CCT3: variants seen among roughly 807,000 people sequenced by gnomAD.
CCT3 encodes the protein chaperonin containing TCP1 subunit 3, also known as T-complex protein 1 subunit gamma.
Under a neutral mutation model 65.3 loss-of-function variants are expected in CCT3, and 10 were observed. The observed-to-expected ratio is 0.15, with a 90% CI of 0.09 to 0.26. The LOEUF (loss-of-function observed/expected upper bound fraction) is 0.26. Ranked by LOEUF, CCT3 falls within the 10% of genes least tolerant of loss-of-function variation. The probability of loss-of-function intolerance (pLI) is 1.00; values close to 1 mark genes in which losing one functional copy is unlikely to be tolerated. For synonymous variants in CCT3, 225 were observed against 242.3 expected, an observed-to-expected ratio of 0.93 and a Z score of 0.66; for missense variants, 626 against 708.7, an observed-to-expected ratio of 0.88 and a Z score of 1.33.
chr1:156,331,102 G>C (rs529698083), intron 5 of CCT3, among the ~76,000 whole-genome samples: 1 of 151,396 alleles, frequency 6.6e-6, no homozygotes, highest in Non-Finnish European at 1.5e-5. Context: ...CGCGGTGGTG[G>C]GCATCTGTAA....
chr1:156,313,469 A>G lies in CCT3; in HGVS notation c.975-1248T>C, dbSNP rs532532839. Among the ~76,000 whole-genome samples, 51 of 152,254 alleles carry G rather than the reference A, an allele frequency of 3.3e-4. 1 individual carries two copies. Among genetic ancestry groups the G allele is most frequent in the Admixed American group, 1.8e-3 (28 of 15,286 alleles). On this transcript the variant is annotated intron_variant, in intron 10 of 13. Transcript: ENST00000295688. ...AATCAGGAAGATTATGCCACAAATG[A>G]CATTTATTAGTAAGAAAGAGAAGGG...
intron 10 of CCT3, 62 bp downstream of exon 10, chr1:156,317,104 T>TA: frequency 1.5e-6 from 2 of 1,358,286 alleles, no homozygotes; most frequent in Non-Finnish European, 2.1e-6. Context: ...TGATGACTGT[T>TA]ACGCAACTAC....
intron 6 of CCT3, among the ~76,000 whole-genome samples, chr1:156,324,443 T>C (rs1664711533): frequency 6.6e-6 from 1 of 152,176 alleles, no homozygotes. Flanking sequence ...TTAACTAAAA[T>C]TCCCTGAAGC....
Position 156,310,951 on chromosome 1 carries a change from C to A in CCT3, c.1400G>T (p.Arg467Leu). Residue 467 changes from arginine to leucine, a missense_variant and splice_region_variant, in exon 12 of 14, where the codon CGG becomes CTG. Transcript: ENST00000295688. Reference protein sequence around the residue: ...ASTIRLLTSLRAKHTQENCET... With the variant: ...ASTIRLLTSLLAKHTQENCET... Reference sequence around the variant, plus strand: ...AGAAAAGCTTGGAGAGGAACTCACCCGAAGGGAGGTAAGTAGACGGATGGT... The same window carrying A: ...AGAAAAGCTTGGAGAGGAACTCACCAGAAGGGAGGTAAGTAGACGGATGGT... The A allele has an allele frequency of 6.2e-7, 1 of 1,613,510 alleles. No homozygotes were observed. The highest frequency in any genetic ancestry group is 8.5e-7 in the Non-Finnish European group (1 of 1,179,666).
Position 156,325,622 on chromosome 1 carries a change from G to A in CCT3, c.305-533C>T, listed in dbSNP as rs910100960. Among the ~76,000 whole-genome samples, 10 of 149,862 alleles carry A rather than the reference G, an allele frequency of 6.7e-5. 1 individual carries two copies. In the East Asian group the frequency reaches 9.8e-4, roughly 15 times the overall value. On this transcript the variant is annotated intron_variant, in intron 5 of 13. Transcript: ENST00000295688. ...AGAAGCAGTCTCGCTGTGTCGCCCA[G>A]GCTGGAGTGCGGTGGCGCAATCTCT...
chr1:156,327,713 G>T (rs1266568096), intron 5 of CCT3, among the ~76,000 whole-genome samples: 2 of 146,780 alleles, frequency 1.4e-5, no homozygotes, highest in Non-Finnish European at 1.5e-5. Flanking sequence ...CCGCCACCCC[G>T]TCTGGGAAGT....
chr1:156,327,577 T>C (rs1291242561), intron 5 of CCT3, among the ~76,000 whole-genome samples: 4 of 152,006 alleles, frequency 2.6e-5, no homozygotes, highest in Non-Finnish European at 5.9e-5. Context: ...GCAGACGGAG[T>C]CTCGTTCACT....
rs1665270512 is a variant in CCT3, at chr1:156,334,905, A to G, written c.107T>C (p.Ile36Thr). Reference sequence around the variant, plus strand: ...CTTGGGTCCCAAACATGTTCGGATGATATCTGCAATAGTCTAATGGAAAGG... The same window carrying G: ...CTTGGGTCCCAAACATGTTCGGATGGTATCTGCAATAGTCTAATGGAAAGG... ...NINAAKTIAD[I>T]IRTCLGPKSM... The change falls in exon 3 of 14, where the codon ATC (isoleucine) becomes ACC (threonine). Residue 36 changes from isoleucine (I) to threonine (T), a missense_variant. Ile to Thr is a moderately conservative substitution (Grantham distance 89). Transcript: ENST00000295688. 5.0e-6 allele frequency: 8 copies of G among 1,613,974 alleles called. No individual in the cohort carries two copies. Among genetic ancestry groups the G allele is most frequent in the Non-Finnish European group, 5.9e-6 (7 of 1,179,948 alleles).
intron 2 of CCT3, chr1:156,335,495 G>A (rs12117951): frequency 0.25 from 67,649 of 269,222 alleles, 9,580 homozygotes; most frequent in Non-Finnish European, 0.29. Flanking sequence ...CAAGATCTAC[G>A]GTGGGCACTA....
Position 156,317,513 on chromosome 1 carries a change from G to T in CCT3, c.794C>A (p.Thr265Asn). The change falls in exon 9 of 14, where the codon ACC becomes AAC. Residue 265 changes from threonine (T) to asparagine (N), a missense_variant. Physicochemically the swap from Thr to Asn is moderately conservative, Grantham distance 65. Transcript: ENST00000295688. ...DIEITREEDFTRILQMEEEYI... is the reference protein window; with the variant it reads ...DIEITREEDFNRILQMEEEYI... ...CTCTTCCTCCATCTGGAGAATTCGG[G>T]TGAAGTCCTCCTCTCGTGTAATCTC... 2 of 1,613,802 alleles carry T rather than the reference G, an allele frequency of 1.2e-6. No individual in the cohort carries two copies. Among genetic ancestry groups the T allele is most frequent in the Non-Finnish European group, 1.7e-6 (2 of 1,179,770 alleles).
At position 156,335,855 on chromosome 1, in the gene CCT3, A is replaced by C. The variant is rs749111525; in HGVS notation, c.65T>G (p.Val22Gly). 1 of 1,614,120 alleles carries C rather than the reference A, an allele frequency of 6.2e-7. No homozygotes were observed. Among genetic ancestry groups the C allele is most frequent in the Admixed American group, 1.7e-5 (1 of 60,014 alleles). ...GGCAGCATTGATGTTTCCAGATTGA[A>C]CTTTTCTTCCGGATTCACGCTTTGT... ...QNTKRESGRK[V>G]QSGNINAAKT... is the part of the protein sequence containing the mutation. Residue 22 changes from valine to glycine, a missense_variant, in exon 2 of 14, where the codon GTT becomes GGT. Coordinates refer to ENST00000295688, the MANE Select transcript of CCT3 (RefSeq NM_005998.5).
rs71863390 is a variant in CCT3, at chr1:156,329,929, ACT to A, written c.304+3616_304+3617del. ...ACTCCAGCCTGGGCGACAGTATGAA[ACT>A]CTGTCTCGAAAAAAAAAAAAGCAAA... On this transcript the variant is annotated intron_variant, in intron 5 of 13. Coordinates refer to ENST00000295688, the MANE Select transcript of CCT3 (RefSeq NM_005998.5). 8.9e-3 allele frequency among the ~76,000 whole-genome samples: 1,341 copies of A among 151,192 alleles called. 102 individuals are homozygous for A. The East Asian group carries it at 0.2, about 23-fold the overall frequency.
Position 156,309,229 on chromosome 1 carries a change from T to C in CCT3, c.1608A>G (p.Gln536=). ...CCTGGCCAGCATCAGGAGCCCCGCC[T>C]TGCCGGCTCTGGTCATCGCCTTTCT... The part of the protein sequence containing the change: ...HKKKGDDQSR[Q]GGAPDAGQE The change falls in exon 14 of 14, where the codon CAA becomes CAG. Residue 536 remains glutamine, a synonymous_variant. Coordinates refer to ENST00000295688, the MANE Select transcript of CCT3 (RefSeq NM_005998.5). The C allele has an allele frequency of 6.2e-7, 1 of 1,613,962 alleles. No homozygotes were observed. Among genetic ancestry groups the C allele is most frequent in the Non-Finnish European group, 8.5e-7 (1 of 1,179,850 alleles).
intron 8 of CCT3, among the ~76,000 whole-genome samples, chr1:156,317,779 G>A (rs766989675): frequency 3.3e-5 from 5 of 151,634 alleles, no homozygotes; most frequent in Non-Finnish European, 7.4e-5. Flanking sequence ...CGCGATCTTG[G>A]CTCACTGCAA....
chr1:156,311,620 C>T (rs893215447), intron 11 of CCT3, among the ~76,000 whole-genome samples: 3 of 152,012 alleles, frequency 2.0e-5, no homozygotes, highest in Non-Finnish European at 2.9e-5. Context: ...TAGCTATGTG[C>T]CTTTGGGAAA....
intron 2 of CCT3, 129 bp downstream of exon 2, chr1:156,335,698 G>A: frequency 3.0e-6 from 2 of 660,852 alleles, no homozygotes; most frequent in Non-Finnish European, 5.3e-6. Context: ...TGTTCTGAAA[G>A]AGGTCAACTT....
chr1:156,328,237 G>C (rs1465630701), intron 5 of CCT3, among the ~76,000 whole-genome samples: 1 of 142,830 alleles, frequency 7.0e-6, no homozygotes, highest in Non-Finnish European at 1.6e-5. Context: ...GGAGGTAGGG[G>C]GGTCAGCCCC....
intron 5 of CCT3, among the ~76,000 whole-genome samples, chr1:156,329,709 TG>T (rs1665027392): frequency 6.7e-6 from 1 of 150,134 alleles, no homozygotes. Flanking sequence ...GAGGCTGAGG[TG>T]GGAGGATCAC....
At chr1:156,327,636 C>T (rs375800592) in intron 5 of CCT3, among the ~76,000 whole-genome samples, 13 of 152,134 alleles carry the variant, frequency 8.5e-5, no homozygotes, top group African/African-American at 2.2e-4. Flanking sequence ...GATCTCGGCT[C>T]GCTACAACCA....
Sources: gnomAD v4.1 joint callset for allele counts (sites outside exome capture counted in the v4.1 genomes callset) on GRCh38, gnomAD v4.1.1 for gene constraint, MANE v1.5 for transcripts, NCBI Gene and HGNC (gene_info 2026-07-23, HGNC 2026-07-21) for gene names.